MAML2: variants seen among roughly 807,000 people sequenced by gnomAD.
MAML2 encodes mastermind-like protein 2.
In MAML2, 22 loss-of-function variants were observed where a neutral mutation model predicts 96.1. That is an observed-to-expected ratio of 0.23 (90% CI 0.16 to 0.33). MAML2 has a LOEUF of 0.33. MAML2 is among the 10% of genes least tolerant of loss of function. The probability of loss-of-function intolerance (pLI) is 1.00; values close to 1 mark genes in which losing one functional copy is unlikely to be tolerated. For missense variants in MAML2, 1,367 were observed against 1,392.4 expected, an observed-to-expected ratio of 0.98 and a Z score of 0.29; for synonymous variants, 561 against 521.3, an observed-to-expected ratio of 1.08 and a Z score of -1.04.
At chr11:96,030,973 C>G (rs1405971121) in intron 2 of MAML2, among the ~76,000 whole-genome samples, 1 of 152,178 alleles carries the variant, frequency 6.6e-6, no homozygotes, top group Non-Finnish European at 1.5e-5. Context: ...CCTCTGAACA[C>G]CTAGAGCATT....
intron 1 of MAML2, among the ~76,000 whole-genome samples, chr11:96,199,513 G>A (rs1861784754): frequency 6.7e-6 from 1 of 150,210 alleles, no homozygotes; most frequent in African/African-American, 2.5e-5. Flanking sequence ...TACCTTCCAT[G>A]TTTCAGATAA....
intron 1 of MAML2, among the ~76,000 whole-genome samples, chr11:96,300,154 T>G (rs1308509783): frequency 6.6e-6 from 1 of 151,932 alleles, no homozygotes; most frequent in African/African-American, 2.4e-5. Flanking sequence ...CAGTTGGAGT[T>G]GATGAAAAGG....
At chr11:96,292,006 T>C (rs1460418045) in intron 1 of MAML2, among the ~76,000 whole-genome samples, 1 of 152,232 alleles carries the variant, frequency 6.6e-6, no homozygotes, top group Admixed American at 6.5e-5. Flanking sequence ...ATGCTATTCT[T>C]AGGAATCTTT....
At chr11:96,044,020 A>T (rs1858857830) in intron 2 of MAML2, among the ~76,000 whole-genome samples, 1 of 152,252 alleles carries the variant, frequency 6.6e-6, no homozygotes, top group African/African-American at 2.4e-5. Flanking sequence ...AGACAAAGGC[A>T]GGTGTGGAGT....
chr11:96,339,245 C>T (rs1591140482), intron 1 of MAML2, among the ~76,000 whole-genome samples: 1 of 152,278 alleles, frequency 6.6e-6, no homozygotes, highest in East Asian at 1.9e-4. Flanking sequence ...CCAGAGGTAG[C>T]ACAGCAGCCA....
At chr11:96,153,307 A>C (rs1398197502) in intron 1 of MAML2, among the ~76,000 whole-genome samples, 1 of 152,038 alleles carries the variant, frequency 6.6e-6, no homozygotes, top group Non-Finnish European at 1.5e-5. Context: ...TGTTAGGAGG[A>C]CCACACGATG....
intron 1 of MAML2, among the ~76,000 whole-genome samples, chr11:96,147,021 C>T (rs1240191700): frequency 6.6e-6 from 1 of 152,152 alleles, no homozygotes; most frequent in African/African-American, 2.4e-5. Flanking sequence ...AGATCATGTT[C>T]TATCCTTCAT....
At chr11:96,223,822 G>A (rs1269734993) in intron 1 of MAML2, among the ~76,000 whole-genome samples, 2 of 152,042 alleles carry the variant, frequency 1.3e-5, no homozygotes, top group Non-Finnish European at 2.9e-5. Context: ...CAACACAATT[G>A]GGTTTTTTCC....
At position 96,212,147 on chromosome 11, in the gene MAML2, GTGT is replaced by G. The variant is rs1565250389; in HGVS notation, c.514-118633_514-118631del. 1.3e-4 allele frequency among the ~76,000 whole-genome samples: 18 copies of G among 139,246 alleles called. No individual in the cohort carries two copies. The East Asian group carries it at 2.3e-3, about 18-fold the overall frequency. The allele number at this position is 139,246 out of a possible 152,430, so 91.4% of individuals were successfully genotyped here. ...TGTGTGTGTGTGTGTGTGTGTGTGT[GTGT>G]GGAAGGGGGACTCGTAATCTCATTT... On this transcript the variant is annotated intron_variant, in intron 1 of 4. Transcript: ENST00000524717.
intron 1 of MAML2, among the ~76,000 whole-genome samples, chr11:96,334,838 A>AT (rs1477007783): frequency 2.0e-5 from 3 of 152,208 alleles, no homozygotes; most frequent in Non-Finnish European, 2.9e-5. Context: ...CCATTTGCCC[A>AT]TTTTCATATC....
At position 96,333,004 on chromosome 11, in the gene MAML2, C is replaced by T. The variant is rs180832404; in HGVS notation, c.513+8379G>A. On this transcript the variant is annotated intron_variant, in intron 1 of 4. Coordinates refer to ENST00000524717, the MANE Select transcript of MAML2 (RefSeq NM_032427.4). ...CCGACTTTTGCCTTAACTGAATTTT[C>T]TTAGAAACAGACATGTAATTAACTT... is the stretch of plus-strand genomic sequence containing the variant. 3.9e-5 allele frequency among the ~76,000 whole-genome samples: 6 copies of T among 152,254 alleles called. No homozygotes were observed. In the East Asian group the frequency reaches 1.2e-3, roughly 29 times the overall value.
intron 2 of MAML2, among the ~76,000 whole-genome samples, chr11:96,028,530 T>G (rs955128021): frequency 6.6e-6 from 1 of 152,232 alleles, no homozygotes; most frequent in Non-Finnish European, 1.5e-5. Flanking sequence ...TTACACTCCA[T>G]GAAAGCCTAT....
At chr11:96,274,077 CTTTTTT>C (rs992096555) in intron 1 of MAML2, among the ~76,000 whole-genome samples, 1 of 91,792 alleles carries the variant, frequency 1.1e-5, no homozygotes, top group African/African-American at 4.5e-5. Flanking sequence ...TTTCCTTTTC[CTTTTTT>C]TTTTTTTTTT....
At chr11:95,991,952 A>G (rs561925334) in intron 2 of MAML2, among the ~76,000 whole-genome samples, 3 of 152,344 alleles carry the variant, frequency 2.0e-5, no homozygotes, top group African/African-American at 7.2e-5. Context: ...AAAAGCTCCC[A>G]TGAGGACTCT....
chr11:96,127,300 T>A (rs531182390), intron 1 of MAML2, among the ~76,000 whole-genome samples: 1 of 152,230 alleles, frequency 6.6e-6, no homozygotes, highest in Non-Finnish European at 1.5e-5. Flanking sequence ...TTTCTCTGGA[T>A]TGAATGGTCC....
intron 1 of MAML2, among the ~76,000 whole-genome samples, chr11:96,202,197 A>C (rs1323461680): frequency 7.0e-6 from 1 of 142,546 alleles, no homozygotes; most frequent in Non-Finnish European, 1.6e-5. Context: ...AAAAAAAAAA[A>C]AAAATTAGCC....
chr11:96,004,040 G>C (rs1282061991), intron 2 of MAML2, among the ~76,000 whole-genome samples: 1 of 152,128 alleles, frequency 6.6e-6, no homozygotes, highest in Non-Finnish European at 1.5e-5. Context: ...TATATGAGTT[G>C]AATAAACTGT....
At chr11:96,126,909 G>C (rs201200267) in intron 1 of MAML2, among the ~76,000 whole-genome samples, 37,792 of 151,926 alleles carry the variant, frequency 0.25, 4,929 homozygotes, top group African/African-American at 0.32. Context: ...TGGACATGGG[G>C]GGGGTCAAAT....
intron 1 of MAML2, among the ~76,000 whole-genome samples, chr11:96,285,985 A>G (rs111515852): frequency 0.019 from 2,949 of 152,280 alleles, 35 homozygotes; most frequent in African/African-American, 0.021. Context: ...TATATACCCA[A>G]AGGAATATAG....
Sources: gnomAD v4.1 joint callset for allele counts (sites outside exome capture counted in the v4.1 genomes callset) on GRCh38, gnomAD v4.1.1 for gene constraint, MANE v1.5 for transcripts, NCBI Gene and HGNC (gene_info 2026-07-23, HGNC 2026-07-21) for gene names.